The following HHAT variants were observed in gnomAD, a reference collection of about 807,000 sequenced individuals.
HHAT encodes hedgehog acyltransferase.
HHAT carries 47 observed loss-of-function variants against 70.8 expected under a neutral mutation model. The observed-to-expected ratio is 0.66, with a 90% confidence interval of 0.53 to 0.85. The LOEUF (loss-of-function observed/expected upper bound fraction) is 0.85, where lower values mean the gene tolerates loss of function less well. HHAT is among the 40% of genes least tolerant of loss of function. HHAT has a pLI of 0.00. For synonymous variants in HHAT, 228 were observed against 247.6 expected (o/e 0.92, Z 0.74); for missense variants, 609 against 604.8 (o/e 1.01, Z -0.07).
chr1:210,433,407 C>T lies in HHAT; in HGVS notation c.856+15082C>T, dbSNP rs12023787. On this transcript the variant is annotated intron_variant, in intron 7 of 11. Transcript: ENST00000261458. ...CATAAGGCAGCAAAGGGAAATCATG[C>T]GTCGTACATTATTGCTCCAAAAAGG... Among the ~76,000 whole-genome samples, 577 of 151,904 alleles carry T rather than the reference C, an allele frequency of 3.8e-3. 18 individuals carry two copies. The highest frequency in any genetic ancestry group is 0.013 in the African/African-American group (517 of 41,244).
chr1:210,619,034 G>A (rs1668310433), intron 10 of HHAT, among the ~76,000 whole-genome samples: 1 of 152,162 alleles, frequency 6.6e-6, no homozygotes, highest in Non-Finnish European at 1.5e-5. Context: ...TCTCATCTTA[G>A]TCTCTTGGAT....
intron 3 of HHAT, among the ~76,000 whole-genome samples, chr1:210,374,674 A>G (rs1042402717): frequency 5.3e-5 from 8 of 151,712 alleles, no homozygotes; most frequent in Non-Finnish European, 1.2e-4. Flanking sequence ...GCATCATCTT[A>G]TTTTGAAACA....
At chr1:210,408,827 A>G (rs77491838) in intron 6 of HHAT, among the ~76,000 whole-genome samples, 208 of 152,310 alleles carry the variant, frequency 1.4e-3, no homozygotes, top group Middle Eastern at 3.4e-3. Flanking sequence ...AATAAAATAT[A>G]CTAGGTGATC....
At chr1:210,481,707 A>G (rs1395601643) in intron 8 of HHAT, among the ~76,000 whole-genome samples, 1 of 152,214 alleles carries the variant, frequency 6.6e-6, no homozygotes, top group African/African-American at 2.4e-5. Flanking sequence ...AATGGCCACA[A>G]AAGTGCCTCA....
chr1:210,418,283 A>G lies in HHAT; in HGVS notation c.814A>G (p.Ser272Gly). ...CCTGATGTACATGCATGCCATCTACAGCAGCATCCCCCTCCTGGAGACTGT... is the reference window on the plus strand; with the variant it reads ...CCTGATGTACATGCATGCCATCTACGGCAGCATCCCCCTCCTGGAGACTGT... The part of the protein sequence containing the change: ...AHLMYMHAIY[S>G]SIPLLETVSC... Residue 272 changes from serine to glycine, a missense_variant, in exon 7 of 12, where the codon AGC (serine) becomes GGC (glycine). By Grantham distance (56) the Ser-to-Gly change is moderately conservative. Transcript: ENST00000261458. The G allele has an allele frequency of 1.2e-6, 2 of 1,611,290 alleles. No individual in the cohort carries two copies. Among genetic ancestry groups the G allele is most frequent in the South Asian group, 2.2e-5 (2 of 90,536 alleles).
intron 11 of HHAT, among the ~76,000 whole-genome samples, chr1:210,654,084 T>G (rs951747962): frequency 1.7e-3 from 1 of 578 alleles, no homozygotes; most frequent in African/African-American, 4.7e-3. Context: ...GTGACGGGAG[T>G]AGTGTGACAG....
At chr1:210,621,395 C>T (rs549736866) in intron 10 of HHAT, among the ~76,000 whole-genome samples, 11 of 152,110 alleles carry the variant, frequency 7.2e-5, no homozygotes, top group Non-Finnish European at 8.8e-5. Flanking sequence ...TGTTAGTAAC[C>T]GCAGTATCTG....
intron 11 of HHAT, among the ~76,000 whole-genome samples, chr1:210,672,152 G>A (rs76137482): frequency 0.91 from 138,510 of 152,292 alleles, 63,048 homozygotes; most frequent in African/African-American, 0.94. Flanking sequence ...TAACTTGCTC[G>A]AGGTTCCACA....
rs137870111 is a variant in HHAT, at chr1:210,431,294, G to A, written c.856+12969G>A. Among the ~76,000 whole-genome samples the A allele has an allele frequency of 2.2e-3, 337 of 151,832 alleles. 1 individual carries two copies. Among genetic ancestry groups the A allele is most frequent in the Middle Eastern group, 3.4e-3 (1 of 294 alleles). On this transcript the variant is annotated intron_variant, in intron 7 of 11. Coordinates refer to ENST00000261458, the MANE Select transcript of HHAT (RefSeq NM_018194.6). ...ACCTCCTATGTGTATGGGCTCCCAG[G>A]ACTGCCACCTGTCCCCACATGTGGC...
At chr1:210,614,018 CAA>C (rs55874321) in intron 10 of HHAT, among the ~76,000 whole-genome samples, 4,774 of 111,374 alleles carry the variant, frequency 0.043, 212 homozygotes, top group African/African-American at 0.14. Context: ...GACCCTGCCT[CAA>C]AAAAAAAAAA....
intron 8 of HHAT, among the ~76,000 whole-genome samples, chr1:210,507,383 C>T (rs371001761): frequency 1.4e-4 from 16 of 112,788 alleles, no homozygotes; most frequent in African/African-American, 4.0e-4. Flanking sequence ...TTTTTTGAGA[C>T]GGAGTCTTGC....
At chr1:210,400,214 G>A (rs1406137195) in intron 4 of HHAT, among the ~76,000 whole-genome samples, 1 of 152,166 alleles carries the variant, frequency 6.6e-6, no homozygotes, top group Non-Finnish European at 1.5e-5. Context: ...GTTGAAGGCA[G>A]GAGAGTGGTT....
chr1:210,370,610 A>ATTTTTTT (rs10664778), intron 3 of HHAT, among the ~76,000 whole-genome samples: 14 of 98,346 alleles, frequency 1.4e-4, no homozygotes, highest in Non-Finnish European at 1.9e-4. Context: ...TGCAGATGCT[A>ATTTTTTT]TTTTTTTTTT....
intron 9 of HHAT, among the ~76,000 whole-genome samples, chr1:210,560,812 C>CT (rs2095614702): frequency 1.8e-5 from 1 of 56,246 alleles, no homozygotes; most frequent in Admixed American, 3.1e-4. Flanking sequence ...GACCCTGTGT[C>CT]TTAAAAAAAA....
intron 1 of HHAT, among the ~76,000 whole-genome samples, chr1:210,341,021 A>G (rs1275385581): frequency 6.6e-6 from 1 of 152,226 alleles, no homozygotes; most frequent in African/African-American, 2.4e-5. Context: ...AAGGTTTGTT[A>G]TGAAGATTAA....
intron 9 of HHAT, among the ~76,000 whole-genome samples, chr1:210,530,188 A>C (rs1394840040): frequency 6.6e-6 from 1 of 152,182 alleles, no homozygotes; most frequent in African/African-American, 2.4e-5. Context: ...GAGTTGAGTA[A>C]ATGACTCAAA....
chr1:210,595,217 G>T (rs1017380620), intron 10 of HHAT, among the ~76,000 whole-genome samples: 9 of 151,994 alleles, frequency 5.9e-5, no homozygotes, highest in African/African-American at 9.7e-5. Flanking sequence ...CAAGCGGTGT[G>T]TGGTTTTTTG....
intron 11 of HHAT, among the ~76,000 whole-genome samples, chr1:210,651,006 G>A (rs1255792057): frequency 6.6e-6 from 1 of 152,176 alleles, no homozygotes; most frequent in Non-Finnish European, 1.5e-5. Context: ...ATAATTGCCA[G>A]GAGCCACACA....
At chr1:210,668,805 G>A (rs574993018) in intron 11 of HHAT, among the ~76,000 whole-genome samples, 17 of 151,934 alleles carry the variant, frequency 1.1e-4, no homozygotes, top group African/African-American at 2.7e-4. Context: ...ACGGAGTCTC[G>A]CACTGTCACC....
Sources: gnomAD v4.1 joint callset for allele counts (sites outside exome capture counted in the v4.1 genomes callset) on GRCh38, gnomAD v4.1.1 for gene constraint, MANE v1.5 for transcripts, NCBI Gene and HGNC (gene_info 2026-07-23, HGNC 2026-07-21) for gene names.